The following TPRG1 variants were observed in gnomAD, a reference collection of about 807,000 sequenced individuals.
The protein encoded by TPRG1 is tumor protein p63 regulated 1.
TPRG1 carries 29 observed loss-of-function variants against 29.3 expected under a neutral mutation model. That is an observed-to-expected ratio of 0.99 (90% CI 0.74 to 1.35). The LOEUF is 1.35. TPRG1 is among the 40% of genes most tolerant of loss of function. The probability of loss-of-function intolerance (pLI) is 0.00; values close to 1 mark genes in which losing one functional copy is unlikely to be tolerated. For missense variants in TPRG1, 327 were observed against 335.0 expected (o/e 0.98, Z 0.19); for synonymous variants, 130 against 116.8 (o/e 1.11, Z -0.73).
chr3:189,087,357 A>C (rs1036758175), intron 4 of TPRG1, among the ~76,000 whole-genome samples: 3 of 151,236 alleles, frequency 2.0e-5, no homozygotes, highest in African/African-American at 7.3e-5. Context: ...TGGGGTCGTT[A>C]GTTTTTTCTT....
intron 4 of TPRG1, among the ~76,000 whole-genome samples, chr3:189,049,006 C>T (rs1427014622): frequency 1.3e-5 from 2 of 152,162 alleles, no homozygotes; most frequent in Non-Finnish European, 1.5e-5. Context: ...GGTCCCCAGG[C>T]AACCCATTCC....
chr3:189,024,495 G>T (rs1713550880), intron 4 of TPRG1, among the ~76,000 whole-genome samples: 1 of 152,256 alleles, frequency 6.6e-6, no homozygotes, highest in South Asian at 2.1e-4. Flanking sequence ...CTCTTGCCCA[G>T]TGAGGAGGAG....
At chr3:189,130,479 G>A (rs1312424063) in intron 2 of TPRG1, among the ~76,000 whole-genome samples, 1 of 152,198 alleles carries the variant, frequency 6.6e-6, no homozygotes, top group Admixed American at 6.5e-5. Context: ...TAACTCAAAT[G>A]TTATCAGAGG....
chr3:189,154,259 C>A (rs1337822331), intron 5 of TPRG1, among the ~76,000 whole-genome samples: 1 of 152,130 alleles, frequency 6.6e-6, no homozygotes, highest in Non-Finnish European at 1.5e-5. Flanking sequence ...AAGATTATTA[C>A]CCTTATTTTA....
At chr3:189,168,080 C>G (rs1019207411), upstream of TPRG1, among the ~76,000 whole-genome samples, 20 of 152,036 alleles carry the variant, frequency 1.3e-4, no homozygotes, top group African/African-American at 4.8e-4. Context: ...GAGTGAGATG[C>G]AGGGAAGGAA....
rs1491419707 is a variant in TPRG1 at position 189,085,448 on chromosome 3, T to TGTGTGTGTGTGTGC, written c.-462-41596_-462-41595insCGTGTGTGTGTGTG. Among the ~76,000 whole-genome samples the TGTGTGTGTGTGTGC allele has an allele frequency of 9.0e-3, 933 of 104,024 alleles. 10 individuals are homozygous for TGTGTGTGTGTGTGC. The highest frequency in any genetic ancestry group is 0.036 in the African/African-American group (850 of 23,704). 68.2% of individuals were successfully genotyped at this position (104,024 alleles called of 152,430 possible). ...TTCCTCGTGTCTGTGTGTGTGTGCA[T>TGTGTGTGTGTGTGC]GTGTGTGTGTGTGTGTGTGTGTGTG... On this transcript the variant is annotated intron_variant, in intron 4 of 10. Transcript: ENST00000433971.
chr3:188,997,791 T>G (rs1711881516), intron 1 of TPRG1, among the ~76,000 whole-genome samples: 1 of 152,184 alleles, frequency 6.6e-6, no homozygotes, highest in Non-Finnish European at 1.5e-5. Context: ...CTCCTATATA[T>G]CTTTATGACT....
intron 3 of TPRG1, among the ~76,000 whole-genome samples, chr3:189,228,779 G>A (rs373403210): frequency 1.7e-4 from 26 of 151,796 alleles, no homozygotes; most frequent in South Asian, 8.3e-4. Context: ...GCAAAATAAG[G>A]CAAAAATAAA....
chr3:189,029,063 T>C (rs1713808522), intron 4 of TPRG1, among the ~76,000 whole-genome samples: 1 of 152,044 alleles, frequency 6.6e-6, no homozygotes. Context: ...TTGAAAGTGA[T>C]AATTTATTTT....
intron 4 of TPRG1, among the ~76,000 whole-genome samples, chr3:189,066,380 G>A (rs1351701507): frequency 1.3e-5 from 2 of 151,918 alleles, no homozygotes. Flanking sequence ...GAAAACTACA[G>A]GCCAATATCG....
chr3:189,139,249 C>T (rs1213291412), intron 3 of TPRG1, among the ~76,000 whole-genome samples: 1 of 152,206 alleles, frequency 6.6e-6, no homozygotes, highest in Non-Finnish European at 1.5e-5. Context: ...GTAAGAGATG[C>T]ATCTGCCACT....
intron 3 of TPRG1, among the ~76,000 whole-genome samples, chr3:189,144,995 A>G (rs1052646482): frequency 6.6e-6 from 1 of 152,218 alleles, no homozygotes; most frequent in African/African-American, 2.4e-5. Flanking sequence ...GGTGAGGACT[A>G]GAAGCCTTTT....
upstream of TPRG1, among the ~76,000 whole-genome samples, chr3:189,096,200 A>T (rs1718668063): frequency 6.6e-6 from 1 of 152,088 alleles, no homozygotes; most frequent in South Asian, 2.1e-4. Flanking sequence ...CACTCAGTAT[A>T]CCTTCCTTCT....
chr3:189,267,259 TCTAGCCTTGTGTAGGGTGTC>T (rs1412023077), intron 4 of TPRG1, among the ~76,000 whole-genome samples: 2 of 152,206 alleles, frequency 1.3e-5, no homozygotes, highest in African/African-American at 4.8e-5. Context: ...GGCTATACCA[TCTAGCCTTGTGTAGGGTGTC>T]CAAAAGTAGC....
chr3:189,223,245 G>A (rs1031547391), intron 3 of TPRG1, among the ~76,000 whole-genome samples: 15 of 152,156 alleles, frequency 9.9e-5, no homozygotes, highest in African/African-American at 3.1e-4. Flanking sequence ...GGGTCCATCC[G>A]TTGTGTCCTG....
intron 4 of TPRG1, among the ~76,000 whole-genome samples, chr3:189,046,161 A>C (rs1714965962): frequency 6.6e-6 from 1 of 152,226 alleles, no homozygotes; most frequent in African/African-American, 2.4e-5. Context: ...AACCCAATCG[A>C]ATCTTGGTTT....
intron 3 of TPRG1, among the ~76,000 whole-genome samples, chr3:189,019,117 T>G (rs537729866): frequency 2.1e-3 from 314 of 151,526 alleles, no homozygotes; most frequent in South Asian, 3.8e-3. Flanking sequence ...CTTATCAGCT[T>G]AAGGAGATTT....
At chr3:189,040,453 G>T (rs1226820829) in intron 4 of TPRG1, among the ~76,000 whole-genome samples, 1 of 152,022 alleles carries the variant, frequency 6.6e-6, no homozygotes, top group Non-Finnish European at 1.5e-5. Flanking sequence ...ATTCCCCATG[G>T]ATGGTGCCAA....
At chr3:189,099,456 A>G (rs1348815072), upstream of TPRG1, among the ~76,000 whole-genome samples, 1 of 151,722 alleles carries the variant, frequency 6.6e-6, no homozygotes, top group Non-Finnish European at 1.5e-5. Flanking sequence ...GCAAGGGAGG[A>G]TTAGTTTTGC....
Sources: allele counts gnomAD v4.1 joint callset (sites outside exome capture counted in the v4.1 genomes callset), GRCh38; gene constraint gnomAD v4.1.1; transcripts MANE v1.5; gene names NCBI Gene and HGNC (gene_info 2026-07-23, HGNC 2026-07-21).